The following ADCY3 variants were observed in gnomAD, a reference collection of about 807,000 sequenced individuals.
ADCY3 encodes the protein adenylate cyclase type 3.
In ADCY3, 70 loss-of-function variants were observed where a neutral mutation model predicts 119.4. The observed-to-expected ratio is 0.59, with a 90% CI of 0.48 to 0.72. ADCY3 has a LOEUF of 0.72. Among genes scored for constraint, ADCY3 ranks in the 30% least tolerant of loss-of-function variants. The pLI is 0.00. For synonymous variants in ADCY3, 672 were observed against 621.4 expected (o/e 1.08, Z -1.21); for missense variants, 1,238 against 1,541.6 (o/e 0.80, Z 3.30).
At chr2:24,887,314 T>G (rs1677148571) in intron 2 of ADCY3, among the ~76,000 whole-genome samples, 1 of 152,046 alleles carries the variant, frequency 6.6e-6, no homozygotes, top group East Asian at 1.9e-4. Context: ...CCTTGACACG[T>G]AGGGATGATG....
chr2:24,876,926 G>A (rs1225984477), intron 2 of ADCY3, among the ~76,000 whole-genome samples: 5 of 152,188 alleles, frequency 3.3e-5, no homozygotes, highest in African/African-American at 1.2e-4. Flanking sequence ...AGTGAGAAGT[G>A]ACCTTCCTTT....
At chr2:24,875,434 C>A (rs1431898224) in intron 2 of ADCY3, among the ~76,000 whole-genome samples, 1 of 152,244 alleles carries the variant, frequency 6.6e-6, no homozygotes, top group Non-Finnish European at 1.5e-5. Context: ...AGGGCCAGGC[C>A]ACAAATCCCA....
chr2:24,826,774 C>G (rs1220484539), intron 15 of ADCY3: 1 of 152,380 alleles, frequency 6.6e-6, no homozygotes, highest in South Asian at 2.1e-4. Flanking sequence ...CATATACACA[C>G]GTCTGCGTGG....
Position 24,824,432 on chromosome 2 carries a change from G to A in ADCY3, c.2682C>T (p.Asn894=), listed in dbSNP as rs963830964. 1.2e-6 allele frequency: 2 copies of A among 1,614,256 alleles called. 1 individual carries two copies. Among genetic ancestry groups the A allele is most frequent in the Non-Finnish European group, 1.7e-6 (2 of 1,180,048 alleles). ...GGCGTGCCACGTGCTCAGGCAACAT[G>A]TTGGTGACCAAGGCCTCGTTCCAGC... ...MRRWNEALVT[N]MLPEHVARHF... Residue 894 remains asparagine, a synonymous_variant, in exon 17 of 22, where the codon AAC becomes AAT. Coordinates refer to ENST00000679454, the MANE Select transcript of ADCY3 (RefSeq NM_004036.5).
At chr2:24,853,070 G>T (rs1007607401) in intron 3 of ADCY3, among the ~76,000 whole-genome samples, 1 of 141,468 alleles carries the variant, frequency 7.1e-6, no homozygotes. Context: ...GTGTGTGTAG[G>T]GGTGTTATTT....
At chr2:24,823,451 C>T in intron 17 of ADCY3, 96 bp from the exon 18 acceptor site, 4 of 1,374,976 alleles carry the variant, frequency 2.9e-6, no homozygotes, top group Non-Finnish European at 3.9e-6. Context: ...GACATGTGCA[C>T]TCAGCTTTTT....
chr2:24,890,295 C>T lies in ADCY3; in HGVS notation c.676-17576G>A, dbSNP rs957348496. ...TTCATCTGGAGTTTTTGTTTTGTAA[C>T]GTCTTTGTCTGGTTTTGATATCAGG... On this transcript the variant is annotated intron_variant, in intron 2 of 21. Coordinates refer to ENST00000679454, the MANE Select transcript of ADCY3 (RefSeq NM_004036.5). Among the ~76,000 whole-genome samples, 7 of 152,122 alleles carry T rather than the reference C, an allele frequency of 4.6e-5. No homozygotes were observed. The East Asian group carries it at 9.6e-4, about 21-fold the overall frequency.
chr2:24,832,694 C>T (rs1669762242), intron 11 of ADCY3, among the ~76,000 whole-genome samples: 1 of 152,188 alleles, frequency 6.6e-6, no homozygotes, highest in African/African-American at 2.4e-5. Context: ...GCCTTGAGCT[C>T]AGCAAGTCTC....
intron 2 of ADCY3, among the ~76,000 whole-genome samples, chr2:24,895,299 C>CA (rs34816357): frequency 0.47 from 70,879 of 151,680 alleles, 19,523 homozygotes; most frequent in African/African-American, 0.78. Flanking sequence ...CCATGTTTGT[C>CA]GATGGTCTCG....
chr2:24,857,696 G>A (rs1673174780), intron 3 of ADCY3, among the ~76,000 whole-genome samples: 1 of 152,188 alleles, frequency 6.6e-6, no homozygotes, highest in Non-Finnish European at 1.5e-5. Flanking sequence ...AGGATGCGGA[G>A]GGTTCGTATC....
intron 2 of ADCY3, among the ~76,000 whole-genome samples, chr2:24,887,608 C>A (rs1382674976): frequency 6.6e-6 from 1 of 151,858 alleles, no homozygotes; most frequent in Non-Finnish European, 1.5e-5. Context: ...GCCCCCATGA[C>A]CACGTGTCCC....
chr2:24,889,429 T>G (rs1421399067), intron 2 of ADCY3, among the ~76,000 whole-genome samples: 1 of 152,314 alleles, frequency 6.6e-6, no homozygotes, highest in East Asian at 1.9e-4. Context: ...CACACAAATA[T>G]GCAAATGACA....
chr2:24,914,725 G>A (rs80195592), intron 2 of ADCY3, among the ~76,000 whole-genome samples: 17,621 of 151,562 alleles, frequency 0.12, 1,086 homozygotes, highest in South Asian at 0.18. Context: ...TAGAGGATGG[G>A]TCGTGAGAAC....
chr2:24,851,312 G>A (rs910556932), intron 3 of ADCY3, among the ~76,000 whole-genome samples: 4 of 152,130 alleles, frequency 2.6e-5, no homozygotes, highest in Admixed American at 6.6e-5. Context: ...AAGACAGAAC[G>A]GTCACCCTGG....
intron 3 of ADCY3, among the ~76,000 whole-genome samples, chr2:24,864,315 C>G (rs947884013): frequency 6.6e-6 from 1 of 151,984 alleles, no homozygotes; most frequent in African/African-American, 2.4e-5. Flanking sequence ...ACAAAAAAAG[C>G]ACATTCCAGA....
At chr2:24,850,282 AGT>A (rs1308990601) in intron 3 of ADCY3, among the ~76,000 whole-genome samples, 3 of 152,080 alleles carry the variant, frequency 2.0e-5, no homozygotes, top group Non-Finnish European at 4.4e-5. Flanking sequence ...CCCTTTCATG[AGT>A]GCGTGATGCT....
intron 2 of ADCY3, among the ~76,000 whole-genome samples, chr2:24,904,050 G>A (rs898825525): frequency 3.9e-5 from 6 of 152,108 alleles, no homozygotes; most frequent in African/African-American, 1.4e-4. Flanking sequence ...AACTCTTCAC[G>A]CATTCCTCCC....
intron 2 of ADCY3, among the ~76,000 whole-genome samples, chr2:24,890,935 G>C (rs1026012533): frequency 4.6e-5 from 7 of 151,844 alleles, no homozygotes; most frequent in Non-Finnish European, 8.8e-5. Context: ...GCAGTGGCAC[G>C]ATCTCGGCTC....
At chr2:24,892,309 C>T (rs1183657013) in intron 2 of ADCY3, among the ~76,000 whole-genome samples, 9 of 148,832 alleles carry the variant, frequency 6.0e-5, no homozygotes, top group African/African-American at 2.3e-4. Flanking sequence ...AGTGCAGTGG[C>T]GCGATCTCGG....
Sources: gnomAD v4.1 joint callset for allele counts (sites outside exome capture counted in the v4.1 genomes callset) on GRCh38, gnomAD v4.1.1 for gene constraint, MANE v1.5 for transcripts, NCBI Gene and HGNC (gene_info 2026-07-23, HGNC 2026-07-21) for gene names.